ZNF615: variants seen among roughly 807,000 people sequenced by gnomAD.
ZNF615 encodes the protein zinc finger protein 615.
Under a neutral mutation model 15.3 loss-of-function variants are expected in ZNF615, and 15 were observed. The ratio of observed to expected loss-of-function variants is 0.98; its 90% CI spans 0.66 to 1.51. The LOEUF (loss-of-function observed/expected upper bound fraction) is 1.51. Among genes scored for constraint, ZNF615 ranks in the 40% most tolerant of loss-of-function variants. The pLI, the probability that ZNF615 is intolerant of heterozygous loss-of-function variation, is 0.00. For missense variants in ZNF615, 848 were observed against 895.9 expected (o/e 0.95, Z 0.68); for synonymous variants, 268 against 294.6 (o/e 0.91, Z 0.92).
chr19:51,993,541 T>C lies in ZNF615; in HGVS notation c.1568A>G (p.Tyr523Cys), dbSNP rs773662446. Reference protein sequence around the residue: ...HQRTHTGEKPYVCGECGKGFP... With the variant: ...HQRTHTGEKPCVCGECGKGFP... ...GCCTTTTCCACACTCACCACATACA[T>C]AGGGTTTTTCTCCAGTATGAGTTCG... Residue 523 changes from tyrosine (Y) to cysteine (C), a missense_variant, in exon 7 of 7, where the codon TAT becomes TGT. Coordinates refer to ENST00000598071, the MANE Select transcript of ZNF615 (RefSeq NM_001199324.2). The C allele has an allele frequency of 3.1e-6, 5 of 1,613,934 alleles. No homozygotes were observed. In the South Asian group the frequency reaches 4.4e-5, roughly 14 times the overall value.
At chr19:52,007,896 C>T in intron 1 of ZNF615, 2 of 488,228 alleles carry the variant, frequency 4.1e-6, no homozygotes, top group East Asian at 3.3e-5. Flanking sequence ...ACAAACTACA[C>T]GAGGACCCTG....
At position 51,993,325 on chromosome 19, in the gene ZNF615, A is replaced by G. The variant is rs759165245; in HGVS notation, c.1784T>C (p.Ile595Thr). The G allele has an allele frequency of 1.9e-6, 3 of 1,614,026 alleles. No homozygotes were observed. The highest frequency in any genetic ancestry group is 1.1e-5 in the South Asian group (1 of 91,072). ...CCCAGTATGAGTTCGCTGATGTGCA[A>G]TGAGCATGCTTTTCCCAGTTAAGCC... The part of the protein sequence containing the change: ...GKGLTGKSML[I>T]AHQRTHTGEK... Residue 595 changes from isoleucine (I) to threonine (T), a missense_variant, in exon 7 of 7, where the codon ATT becomes ACT. Coordinates refer to ENST00000598071, the MANE Select transcript of ZNF615 (RefSeq NM_001199324.2).
rs562688125 is a variant in ZNF615 at position 52,001,342 on chromosome 19, G to T, written c.238+471C>A. ...ATCTCAAGGAAAAAAAGTGGGGGCCGGGCGCAGTGGCTCAAGCCTGTAATC... is the reference window on the plus strand; with the variant it reads ...ATCTCAAGGAAAAAAAGTGGGGGCCTGGCGCAGTGGCTCAAGCCTGTAATC... On this transcript the variant is annotated intron_variant, in intron 5 of 6. Coordinates refer to ENST00000598071, the MANE Select transcript of ZNF615 (RefSeq NM_001199324.2). 1.2e-4 allele frequency among the ~76,000 whole-genome samples: 18 copies of T among 152,074 alleles called. No homozygotes were observed. The East Asian group carries it at 1.4e-3, about 11-fold the overall frequency.
chr19:52,000,867 C>T (rs995149588), intron 5 of ZNF615, among the ~76,000 whole-genome samples: 3 of 151,714 alleles, frequency 2.0e-5, no homozygotes, highest in South Asian at 2.1e-4. Flanking sequence ...GTGGGAGGAT[C>T]GCTTGAGCCG....
Position 51,994,005 on chromosome 19 carries a change from C to G in ZNF615, c.1104G>C (p.Arg368Ser). Residue 368 changes from arginine (R) to serine (S), a missense_variant, in exon 7 of 7, where the codon AGG (arginine) becomes AGC (serine). By Grantham distance (110) the Arg-to-Ser change is moderately radical (BLOSUM62 -1). Coordinates refer to ENST00000598071, the MANE Select transcript of ZNF615 (RefSeq NM_001199324.2). ...SECGKGFIEK[R>S]RLTAHHRTHT... ...GAGTTCGATGATGTGCAGTAAGACG[C>G]CTCTTCTCAATGAAGCCTTTTCCAC... 6.2e-7 allele frequency: 1 copy of G among 1,612,050 alleles called. No homozygotes were observed. Among genetic ancestry groups the G allele is most frequent in the South Asian group, 1.1e-5 (1 of 90,774 alleles).
At chr19:52,005,204 A>ATT (rs2086717218) in intron 2 of ZNF615, among the ~76,000 whole-genome samples, 1 of 152,234 alleles carries the variant, frequency 6.6e-6, no homozygotes, top group South Asian at 2.1e-4. Context: ...GGGTGCAGTG[A>ATT]GCCAAGATTG....
chr19:52,002,125 C>G (rs1009402207), intron 4 of ZNF615, 30 bp downstream of exon 4: 1 of 1,614,060 alleles, frequency 6.2e-7, no homozygotes, highest in African/African-American at 1.3e-5. Flanking sequence ...ACTGGGCACC[C>G]TCTGAGTGAC....
chr19:51,995,146 C>A (rs189235721), intron 6 of ZNF615, among the ~76,000 whole-genome samples: 88 of 152,172 alleles, frequency 5.8e-4, no homozygotes, highest in African/African-American at 2.0e-3. Flanking sequence ...GTATAAATAT[C>A]CCTCATCTCT....
Position 51,993,597 on chromosome 19 carries a change from G to A in ZNF615, c.1512C>T (p.Phe504=), listed in dbSNP as rs1256421203. The change falls in exon 7 of 7, where the codon TTC becomes TTT. Residue 504 remains phenylalanine, a synonymous_variant. Transcript: ENST00000598071. ...GCACAATAAGGCGGCTCTTCACAGTGAAGCCTTTTCCACAATCATTGCATA... is the reference window on the plus strand; with the variant it reads ...GCACAATAAGGCGGCTCTTCACAGTAAAGCCTTTTCCACAATCATTGCATA... ...PYICNDCGKG[F]TVKSRLIVHQ... The A allele has an allele frequency of 6.2e-7, 1 of 1,614,036 alleles. No individual in the cohort carries two copies.
chr19:52,005,220 T>A (rs1398569593), intron 2 of ZNF615, among the ~76,000 whole-genome samples: 1 of 151,992 alleles, frequency 6.6e-6, no homozygotes, highest in Non-Finnish European at 1.5e-5. Context: ...GATTGTGCCA[T>A]TGCACTCCAG....
intron 6 of ZNF615, among the ~76,000 whole-genome samples, chr19:51,996,402 A>AAC (rs1555771245): frequency 7.4e-6 from 1 of 134,318 alleles, no homozygotes; most frequent in African/African-American, 2.9e-5. Flanking sequence ...AAAAAAAAAA[A>AAC]AAAAAACGCA....
chr19:51,997,419 A>G (rs2086470718), intron 6 of ZNF615, among the ~76,000 whole-genome samples: 1 of 152,192 alleles, frequency 6.6e-6, no homozygotes, highest in Non-Finnish European at 1.5e-5. Flanking sequence ...TCTTCATTCT[A>G]TGTACCACCA....
At position 52,003,467 on chromosome 19, in the gene ZNF615, G is replaced by A. The variant is rs180805750; in HGVS notation, c.15+230C>T. 1.2e-3 allele frequency among the ~76,000 whole-genome samples: 184 copies of A among 152,216 alleles called. 3 individuals are homozygous for A. Among genetic ancestry groups the A allele is most frequent in the Non-Finnish European group, 2.6e-4 (18 of 68,024 alleles). ...TGTATAGCTTGTCAGAGATACTAGAGGCAAGTTTACAGCAAATGTAACCTA... is the reference window on the plus strand; with the variant it reads ...TGTATAGCTTGTCAGAGATACTAGAAGCAAGTTTACAGCAAATGTAACCTA... On this transcript the variant is annotated intron_variant, in intron 3 of 6. Transcript: ENST00000598071.
intron 2 of ZNF615, 23 bp downstream of exon 2, chr19:52,007,267 GGTT>G (rs1568508422): frequency 1.6e-6 from 2 of 1,278,000 alleles, no homozygotes; most frequent in East Asian, 1.1e-4. Context: ...ATTTGACAAA[GGTT>G]ATCTTTGAGT....
intron 3 of ZNF615, 188 bp from the exon 4 acceptor site, chr19:52,002,469 A>G (rs1018864086): frequency 1.2e-6 from 1 of 826,880 alleles, no homozygotes. Flanking sequence ...TCATTCAACA[A>G]TGTTGAAAAG....
chr19:51,996,934 T>C (rs1430620515), intron 6 of ZNF615, among the ~76,000 whole-genome samples: 1 of 152,252 alleles, frequency 6.6e-6, no homozygotes, highest in East Asian at 1.9e-4. Flanking sequence ...TATACATTAA[T>C]TTGTTCAATT....
At position 52,001,900 on chromosome 19, in the gene ZNF615, C is replaced by T. The variant is rs373426189; in HGVS notation, c.151G>A (p.Ala51Thr). ...TTGGAGAGTGCATCTGGTTTGCTGGCTTGATACCCTGTTCATGGGAAATGA... is the reference window on the plus strand; with the variant it reads ...TTGGAGAGTGCATCTGGTTTGCTGGTTTGATACCCTGTTCATGGGAAATGA... Reference protein sequence around the residue: ...YSNLVAVGYQASKPDALSKLE... With the variant: ...YSNLVAVGYQTSKPDALSKLE... Residue 51 changes from alanine to threonine, a missense_variant, in exon 5 of 7, where the codon GCC becomes ACC. By Grantham distance (58) the Ala-to-Thr change is moderately conservative. Transcript: ENST00000598071. The T allele has an allele frequency of 8.7e-6, 14 of 1,614,106 alleles. No individual in the cohort carries two copies. The highest frequency in any genetic ancestry group is 1.3e-5 in the African/African-American group (1 of 75,026).
At position 51,991,455 on chromosome 19, in the gene ZNF615, C is replaced by T. The variant is rs998226115; in HGVS notation, c.*1425G>A. 6.6e-6 allele frequency: 1 copy of T among 152,078 alleles called. No individual in the cohort carries two copies. The highest frequency in any genetic ancestry group is 1.5e-5 in the Non-Finnish European group (1 of 68,010). 9.4% of individuals were successfully genotyped at this position (152,078 alleles called of 1,614,324 possible). Reference sequence around the variant, plus strand: ...TATTCGTATCATAGATTATTAGTGGCCAATAAAAACAGAACAATGATATGC... The same window carrying T: ...TATTCGTATCATAGATTATTAGTGGTCAATAAAAACAGAACAATGATATGC... On this transcript the variant is annotated 3_prime_UTR_variant, in exon 7 of 7. Transcript: ENST00000598071.
rs747971632 is a variant in ZNF615, at chr19:51,994,323, C to G, written c.786G>C (p.Gln262His). The change falls in exon 7 of 7, where the codon CAG becomes CAC. Residue 262 changes from glutamine (Q) to histidine (H), a missense_variant. By Grantham distance (24) the Gln-to-His change is conservative. Coordinates refer to ENST00000598071, the MANE Select transcript of ZNF615 (RefSeq NM_001199324.2). ...AATGTTTCAGTTCTGTATGAGTTCTCTGATGGTCCATTAGTCTGGATTTTC... is the reference window on the plus strand; with the variant it reads ...AATGTTTCAGTTCTGTATGAGTTCTGTGATGGTCCATTAGTCTGGATTTTC... ...FSRKSRLMDH[Q>H]RTHTELKHYE... 2 of 1,614,126 alleles carry G rather than the reference C, an allele frequency of 1.2e-6. No individual in the cohort carries two copies. The highest frequency in any genetic ancestry group is 1.3e-5 in the African/African-American group (1 of 75,044).
Sources: allele counts gnomAD v4.1 joint callset (sites outside exome capture counted in the v4.1 genomes callset), GRCh38; gene constraint gnomAD v4.1.1; transcripts MANE v1.5; gene names NCBI Gene and HGNC (gene_info 2026-07-23, HGNC 2026-07-21).